The following TCOF1 variants were observed in gnomAD, a reference collection of about 807,000 sequenced individuals.
The protein encoded by TCOF1 is treacle protein.
In TCOF1, 33 loss-of-function variants were observed where a neutral mutation model predicts 149.0. The ratio of observed to expected loss-of-function variants is 0.22; its 90% CI spans 0.17 to 0.30. The LOEUF is 0.30. TCOF1 is among the 10% of genes least tolerant of loss of function. The probability of loss-of-function intolerance (pLI) is 1.00; values close to 1 mark genes in which losing one functional copy is unlikely to be tolerated. For missense variants in TCOF1, 1,728 were observed against 1,840.7 expected (o/e 0.94, Z 1.12); for synonymous variants, 789 against 738.8 (o/e 1.07, Z -1.10).
intron 1 of TCOF1, among the ~76,000 whole-genome samples, chr5:150,359,820 A>C (rs1233645489): frequency 6.6e-6 from 1 of 152,200 alleles, no homozygotes; most frequent in African/African-American, 2.4e-5. Flanking sequence ...ATCCAATGAT[A>C]GTTGGTGCTT....
rs769498945 is a variant in TCOF1 at position 150,372,190 on chromosome 5, A to T, written c.824A>T (p.Glu275Val). The change falls in exon 7 of 27, where the codon GAG becomes GTG. Residue 275 changes from glutamate to valine, a missense_variant. Glu to Val is a moderately radical substitution (Grantham distance 121). Coordinates refer to ENST00000643257, the MANE Select transcript of TCOF1 (RefSeq NM_001371623.1). ...KPEEESESSE[E>V]GSESEEEAPA... is the part of the protein sequence containing the mutation. The stretch of plus-strand genomic sequence containing the variant: ...GAAGAGGAGTCAGAGAGTAGTGAGG[A>T]GGGATCTGAAAGTGAGGAGGAGGCC... 61 of 1,602,108 alleles carry T rather than the reference A, an allele frequency of 3.8e-5. No homozygotes were observed. In the South Asian group the frequency reaches 6.2e-4, roughly 16 times the overall value.
In TCOF1 at chr5:150,393,472, C is replaced by G. The variant is rs1323360125; in HGVS notation, c.3704C>G (p.Thr1235Ser). Residue 1235 changes from threonine to serine, a missense_variant, in exon 23 of 27, where the codon ACT (threonine) becomes AGT (serine). By Grantham distance (58) the Thr-to-Ser change is moderately conservative (BLOSUM62 1). Coordinates refer to ENST00000643257, the MANE Select transcript of TCOF1 (RefSeq NM_001371623.1). Reference sequence around the variant, plus strand: ...GACTCCAGCCCCTCAGTTTCCTCTACTCTGGCCGCCAAAGATGACCCAGAT... The same window carrying G: ...GACTCCAGCCCCTCAGTTTCCTCTAGTCTGGCCGCCAAAGATGACCCAGAT... The part of the protein sequence containing the change: ...KLDSSPSVSS[T>S]LAAKDDPDGK... 6.2e-7 allele frequency: 1 copy of G among 1,614,076 alleles called. No homozygotes were observed. The highest frequency in any genetic ancestry group is 1.3e-5 in the African/African-American group (1 of 74,928).
intron 7 of TCOF1, 33 bp from the exon 8 acceptor site, chr5:150,374,141 C>G (rs373311538): frequency 6.3e-7 from 1 of 1,595,008 alleles, no homozygotes; most frequent in Admixed American, 1.7e-5. Context: ...TTTTCACAAG[C>G]AGGAGAGCAA....
At chr5:150,360,961 C>T (rs1759934356) in intron 1 of TCOF1, among the ~76,000 whole-genome samples, 195 bp from the exon 2 acceptor site, 1 of 151,978 alleles carries the variant, frequency 6.6e-6, no homozygotes. Flanking sequence ...GTCTTGAACT[C>T]CTGGGCTCAA....
chr5:150,395,090 C>G (rs1261078550), intron 23 of TCOF1, among the ~76,000 whole-genome samples: 11 of 152,204 alleles, frequency 7.2e-5, no homozygotes. Context: ...CTCTGCCTAA[C>G]CTGGCCTGCC....
chr5:150,363,122 G>A (rs938017265), intron 2 of TCOF1, among the ~76,000 whole-genome samples: 5 of 152,070 alleles, frequency 3.3e-5, no homozygotes, highest in African/African-American at 1.2e-4. Context: ...TCCTGCACCC[G>A]CCTCAGTATT....
Position 150,393,476 on chromosome 5 carries a change from G to C in TCOF1, c.3708G>C (p.Leu1236=). ...CCAGCCCCTCAGTTTCCTCTACTCT[G>C]GCCGCCAAAGATGACCCAGATGGCA... ...LDSSPSVSST[L]AAKDDPDGKQ... The change falls in exon 23 of 27, where the codon CTG becomes CTC. Residue 1236 remains leucine, a synonymous_variant. Coordinates refer to ENST00000643257, the MANE Select transcript of TCOF1 (RefSeq NM_001371623.1). The C allele has an allele frequency of 6.2e-7, 1 of 1,614,114 alleles. No individual in the cohort carries two copies. The highest frequency in any genetic ancestry group is 8.5e-7 in the Non-Finnish European group (1 of 1,180,038).
intron 7 of TCOF1, among the ~76,000 whole-genome samples, chr5:150,373,222 G>T (rs746497245): frequency 5.9e-5 from 9 of 152,098 alleles, no homozygotes; most frequent in African/African-American, 1.2e-4. Flanking sequence ...TTGTGTGTGT[G>T]TGTGTGTGTG....
chr5:150,393,466 C>T lies in TCOF1; in HGVS notation c.3698C>T (p.Ser1233Phe). ...TPKLDSSPSV[S>F]STLAAKDDPD... ...AAGCTAGACTCCAGCCCCTCAGTTT[C>T]CTCTACTCTGGCCGCCAAAGATGAC... is the stretch of plus-strand genomic sequence containing the variant. The change falls in exon 23 of 27, where the codon TCC (serine) becomes TTC (phenylalanine). Residue 1233 changes from serine (S) to phenylalanine (F), a missense_variant. Around this residue, in one of 2 missense-constraint regions of TCOF1, gnomAD observed 1,696 missense variants for 1,765.4 expected, o/e 0.96. Coordinates refer to ENST00000643257, the MANE Select transcript of TCOF1 (RefSeq NM_001371623.1). The T allele has an allele frequency of 1.2e-6, 2 of 1,614,208 alleles. No homozygotes were observed. The highest frequency in any genetic ancestry group is 1.7e-6 in the Non-Finnish European group (2 of 1,180,034).
chr5:150,395,735 G>T (rs1342115676), intron 23 of TCOF1, among the ~76,000 whole-genome samples: 2 of 152,116 alleles, frequency 1.3e-5, no homozygotes, highest in Non-Finnish European at 2.9e-5. Context: ...CCGAGTGTGG[G>T]TAATCATCAG....
intron 12 of TCOF1, 58 bp downstream of exon 12, chr5:150,375,967 C>T: frequency 6.2e-7 from 1 of 1,613,858 alleles, no homozygotes; most frequent in Admixed American, 1.7e-5. Flanking sequence ...ACAGTCAGCA[C>T]CCCCGGGGAG....
Position 150,372,145 on chromosome 5 carries a change from C to A in TCOF1, c.779C>A (p.Ala260Asp). 6.2e-7 allele frequency: 1 copy of A among 1,614,176 alleles called. No homozygotes were observed. The highest frequency in any genetic ancestry group is 8.5e-7 in the Non-Finnish European group (1 of 1,180,022). The change falls in exon 7 of 27, where the codon GCC (alanine) becomes GAC (aspartate). Residue 260 changes from alanine (A) to aspartate (D), a missense_variant. Transcript: ENST00000643257. ...GTCAAAGGAGGGGCCCTGCCCCCAG[C>A]CAAGAGGGCCAAGAAGCCAGAAGAG... Reference protein sequence around the residue: ...PQVKGGALPPAKRAKKPEEES... With the variant: ...PQVKGGALPPDKRAKKPEEES...
chr5:150,390,124 C>T (rs935417170), intron 19 of TCOF1, 101 bp downstream of exon 19: 43 of 1,525,556 alleles, frequency 2.8e-5, no homozygotes, highest in South Asian at 7.3e-5. Flanking sequence ...ATTGCTGTCA[C>T]GCCCACACTC....
At chr5:150,387,189 C>T (rs1766463763) in intron 17 of TCOF1, among the ~76,000 whole-genome samples, 1 of 152,214 alleles carries the variant, frequency 6.6e-6, no homozygotes, top group African/African-American at 2.4e-5. Flanking sequence ...ATAAGTTGAT[C>T]TACCCAGTCA....
At chr5:150,394,160 G>A (rs1242019785) in intron 23 of TCOF1, 3 of 157,332 alleles carry the variant, frequency 1.9e-5, no homozygotes, top group Non-Finnish European at 4.2e-5. Context: ...CTTTTGGCTT[G>A]TGGAGCAAGT....
At chr5:150,392,969 T>C in intron 22 of TCOF1, 179 bp downstream of exon 22, 2 of 745,912 alleles carry the variant, frequency 2.7e-6, no homozygotes, top group Non-Finnish European at 2.3e-6. Context: ...ACAGCCAGGC[T>C]GCCTCCGTCC....
At chr5:150,383,136 C>T (rs1439366673) in intron 17 of TCOF1, 1 of 1,535,944 alleles carries the variant, frequency 6.5e-7, no homozygotes, top group Non-Finnish European at 8.7e-7. Context: ...CGGAGGGGTC[C>T]TCGGAGAGCA....
At chr5:150,397,623 C>T (rs978449685) in intron 24 of TCOF1, among the ~76,000 whole-genome samples, 4 of 152,170 alleles carry the variant, frequency 2.6e-5, no homozygotes, top group Admixed American at 2.0e-4. Context: ...TCTCGAGCAT[C>T]GCCCTGGACG....
Position 150,396,680 on chromosome 5 carries a change from A to G in TCOF1, c.4183A>G (p.Lys1395Glu). 1 of 1,612,638 alleles carries G rather than the reference A, an allele frequency of 6.2e-7. No homozygotes were observed. The highest frequency in any genetic ancestry group is 8.5e-7 in the Non-Finnish European group (1 of 1,179,412). ...TTCCAAGGGGAAAGCAAAGAGAGACAAAGCAAGTGGTGATGTCAAGGAGAA... is the reference window on the plus strand; with the variant it reads ...TTCCAAGGGGAAAGCAAAGAGAGACGAAGCAAGTGGTGATGTCAAGGAGAA... ...TTSKGKAKRD[K>E]ASGDVKEKKG... The change falls in exon 24 of 27, where the codon AAA (lysine) becomes GAA (glutamate). Residue 1395 changes from lysine (K) to glutamate (E), a missense_variant. This residue lies in a region of TCOF1 where 1,696 missense variants were observed against 1,765.4 expected (regional missense o/e 0.96). Coordinates refer to ENST00000643257, the MANE Select transcript of TCOF1 (RefSeq NM_001371623.1).
Sources: gnomAD v4.1 joint callset for allele counts (sites outside exome capture counted in the v4.1 genomes callset) on GRCh38, gnomAD v4.1.1 for gene constraint, gnomAD v4.1.1 regional missense constraint, MANE v1.5 for transcripts, NCBI Gene and HGNC (gene_info 2026-07-23, HGNC 2026-07-21) for gene names.